The following NTNG1 variants were observed in gnomAD, a reference collection of about 807,000 sequenced individuals.
The protein encoded by NTNG1 is netrin-G1.
A neutral mutation model predicts 54.0 loss-of-function variants in NTNG1; 16 were observed. The ratio of observed to expected loss-of-function variants is 0.30; its 90% CI spans 0.20 to 0.45. NTNG1 has a LOEUF of 0.45. Among genes scored for constraint, NTNG1 ranks in the 20% least tolerant of loss-of-function variants. The pLI is 1.00. For synonymous variants in NTNG1, 255 were observed against 263.1 expected, an observed-to-expected ratio of 0.97 and a Z score of 0.30; for missense variants, 530 against 678.7, an observed-to-expected ratio of 0.78 and a Z score of 2.43.
chr1:107,263,726 T>C (rs1022746759), intron 2 of NTNG1, among the ~76,000 whole-genome samples: 1 of 152,224 alleles, frequency 6.6e-6, no homozygotes, highest in African/African-American at 2.4e-5. Flanking sequence ...GATATTCCCT[T>C]TGGGAAAGAA....
chr1:107,242,377 A>G (rs1056788450), intron 2 of NTNG1, among the ~76,000 whole-genome samples: 4 of 152,242 alleles, frequency 2.6e-5, no homozygotes, highest in Middle Eastern at 3.4e-3. Flanking sequence ...CTATATATGC[A>G]TATATTACCT....
rs1557891951 is a variant in NTNG1 at position 107,314,441 on chromosome 1, AAAT to A, written c.247-9838_247-9836del. Among the ~76,000 whole-genome samples, 752 of 88,664 alleles carry A rather than the reference AAAT, an allele frequency of 8.5e-3. 7 individuals are homozygous for A. Among genetic ancestry groups the A allele is most frequent in the African/African-American group, 0.031 (713 of 23,102 alleles). 58.2% of individuals were successfully genotyped at this position (88,664 alleles called of 152,430 possible). A position where few individuals can be genotyped will look rare whatever the true frequency, so the allele number is the denominator to read the frequency against. On this transcript the variant is annotated intron_variant, in intron 2 of 7. Coordinates refer to ENST00000370068, the MANE Select transcript of NTNG1 (RefSeq NM_001113226.3). Reference sequence around the variant, plus strand: ...TAAATAAATAAATAAATAAATAAATAAATAAAAATGAGATACACACCTAGTTAA... The same window carrying A: ...TAAATAAATAAATAAATAAATAAATAAAAAATGAGATACACACCTAGTTAA...
chr1:107,223,847 A>G (rs1570897282), intron 2 of NTNG1, among the ~76,000 whole-genome samples: 2 of 152,290 alleles, frequency 1.3e-5, no homozygotes, highest in Non-Finnish European at 2.9e-5. Context: ...GGAAGAACCA[A>G]TCTGGAATTG....
At position 107,381,530 on chromosome 1, in the gene NTNG1, C is replaced by T. The variant is rs531668458; in HGVS notation, c.888-13624C>T. ...GCTAGGTAGAAAACTCTGGTTGATC[C>T]AGATCATGTTTTCAGGCCAGGCCAT... is the stretch of plus-strand genomic sequence containing the variant. On this transcript the variant is annotated intron_variant, in intron 3 of 7. Transcript: ENST00000370068. 1.1e-4 allele frequency among the ~76,000 whole-genome samples: 17 copies of T among 152,174 alleles called. No individual in the cohort carries two copies. The East Asian group carries it at 2.7e-3, about 24-fold the overall frequency.
chr1:107,171,618 A>G (rs1388140794), intron 2 of NTNG1, among the ~76,000 whole-genome samples: 2 of 151,710 alleles, frequency 1.3e-5, no homozygotes, highest in East Asian at 1.9e-4. Context: ...TGTGTGTGGA[A>G]CCTCCATGGG....
chr1:107,206,291 A>T (rs575417098), intron 2 of NTNG1, among the ~76,000 whole-genome samples: 1 of 152,236 alleles, frequency 6.6e-6, no homozygotes, highest in East Asian at 1.9e-4. Flanking sequence ...CCATATCCTC[A>T]TGAACATTTG....
At chr1:107,278,469 C>T (rs974498752) in intron 2 of NTNG1, among the ~76,000 whole-genome samples, 11 of 152,042 alleles carry the variant, frequency 7.2e-5, no homozygotes, top group Admixed American at 2.6e-4. Context: ...AAAACAGAGG[C>T]TTTTATTTTG....
intron 2 of NTNG1, among the ~76,000 whole-genome samples, chr1:107,174,584 TA>T (rs1158270621): frequency 6.6e-6 from 1 of 152,018 alleles, no homozygotes; most frequent in East Asian, 1.9e-4. Flanking sequence ...GGTCTATGCC[TA>T]TGACAGCAAT....
chr1:107,232,534 G>A (rs539730224), intron 2 of NTNG1, among the ~76,000 whole-genome samples: 1 of 152,210 alleles, frequency 6.6e-6, no homozygotes, highest in African/African-American at 2.4e-5. Context: ...CCTTTTAAAT[G>A]CATCATCATT....
intron 2 of NTNG1, among the ~76,000 whole-genome samples, chr1:107,160,772 G>A (rs1374987550): frequency 6.6e-6 from 1 of 151,978 alleles, no homozygotes; most frequent in East Asian, 1.9e-4. Context: ...GCTGTTCCTT[G>A]TAACACTGTT....
Position 107,324,873 on chromosome 1 carries a change from C to A in NTNG1, c.838C>A (p.His280Asn). The A allele has an allele frequency of 4.3e-6, 7 of 1,613,306 alleles. No homozygotes were observed. The highest frequency in any genetic ancestry group is 5.9e-6 in the Non-Finnish European group (7 of 1,179,556). ...AVGEIFVDEL[H>N]LARYFYAISD... ...TGGGGAAATATTTGTAGATGAGCTA[C>A]ACTTGGCACGCTACTTTTACGCGAT... Residue 280 changes from histidine to asparagine, a missense_variant, in exon 3 of 8, where the codon CAC becomes AAC. Around this residue, in one of 2 missense-constraint regions of NTNG1, gnomAD observed 318 missense variants for 465.1 expected, o/e 0.68. Transcript: ENST00000370068.
intron 3 of NTNG1, among the ~76,000 whole-genome samples, chr1:107,353,846 T>C (rs1278812504): frequency 6.6e-6 from 1 of 152,200 alleles, no homozygotes; most frequent in Non-Finnish European, 1.5e-5. Flanking sequence ...AGGTTGCTTT[T>C]ACTCATGGCA....
At chr1:107,270,265 A>G (rs193196094) in intron 2 of NTNG1, among the ~76,000 whole-genome samples, 1 of 152,288 alleles carries the variant, frequency 6.6e-6, no homozygotes, top group African/African-American at 2.4e-5. Context: ...AAACTGTTTT[A>G]TTATTTCCAC....
intron 2 of NTNG1, among the ~76,000 whole-genome samples, chr1:107,310,918 G>A (rs1666973763): frequency 6.6e-6 from 1 of 151,996 alleles, no homozygotes; most frequent in African/African-American, 2.4e-5. Flanking sequence ...TAAAAGGCCT[G>A]AGAAGCAGCT....
intron 2 of NTNG1, among the ~76,000 whole-genome samples, chr1:107,312,048 G>C (rs747062333): frequency 6.6e-6 from 1 of 152,172 alleles, no homozygotes; most frequent in South Asian, 2.1e-4. Flanking sequence ...GATACAGTCA[G>C]ATTTCGGTTG....
At position 107,434,337 on chromosome 1, in the gene NTNG1, C is replaced by T. The variant is rs151156285; in HGVS notation, c.1256-2328C>T. 5.8e-3 allele frequency among the ~76,000 whole-genome samples: 884 copies of T among 152,244 alleles called. 13 individuals carry two copies. The highest frequency in any genetic ancestry group is 0.02 in the African/African-American group (845 of 41,542). The stretch of plus-strand genomic sequence containing the variant: ...TGCTTTGTAATTACTGGTGAATTTG[C>T]CCATTTTTTCTACAAATTCCAAACA... On this transcript the variant is annotated intron_variant, in intron 6 of 7. Transcript: ENST00000370068.
chr1:107,316,280 A>G (rs1457661310), intron 2 of NTNG1, among the ~76,000 whole-genome samples: 1 of 152,214 alleles, frequency 6.6e-6, no homozygotes, highest in Admixed American at 6.5e-5. Context: ...TGGAGACACC[A>G]CCCAGATGGC....
intron 2 of NTNG1, among the ~76,000 whole-genome samples, chr1:107,260,116 T>G (rs144772097): frequency 4.6e-5 from 7 of 152,350 alleles, no homozygotes; most frequent in Admixed American, 4.6e-4. Context: ...CTCTTCATGA[T>G]AGTAAACAGT....
At chr1:107,387,007 G>C (rs565316932) in intron 3 of NTNG1, among the ~76,000 whole-genome samples, 2 of 152,192 alleles carry the variant, frequency 1.3e-5, no homozygotes, top group South Asian at 4.1e-4. Context: ...AAATAATGTT[G>C]AGCATTTCTT....
Sources: gnomAD v4.1 joint callset for allele counts (sites outside exome capture counted in the v4.1 genomes callset) on GRCh38, gnomAD v4.1.1 for gene constraint, gnomAD v4.1.1 regional missense constraint, MANE v1.5 for transcripts, NCBI Gene and HGNC (gene_info 2026-07-23, HGNC 2026-07-21) for gene names.